KLHL15: variants seen among roughly 807,000 people sequenced by gnomAD.
The protein encoded by KLHL15 is kelch-like protein 15.
In KLHL15, 1 loss-of-function variant was observed where a neutral mutation model predicts 29.3. The ratio of observed to expected loss-of-function variants is 0.03; its 90% CI spans 0.01 to 0.16. The LOEUF is 0.16. Among genes scored for constraint, KLHL15 ranks in the 10% least tolerant of loss-of-function variants. The pLI, the probability that KLHL15 is intolerant of heterozygous loss-of-function variation, is 1.00. For synonymous variants in KLHL15, 212 were observed against 184.5 expected (o/e 1.15, Z -1.21); for missense variants, 215 against 478.5 (o/e 0.45, Z 5.14).
In KLHL15 at chrX:24,007,785, G is replaced by A. The variant is rs1929484144; in HGVS notation, c.-7-1085C>T. Among the ~76,000 whole-genome samples the A allele has an allele frequency of 7.3e-5, 8 of 109,530 alleles. No homozygotes were observed. The Admixed American group carries it at 8.0e-4, about 11-fold the overall frequency. ...TGTACATATAAGGTTTTTCTATCTA[G>A]GCTTATTATTTAAAAATCAGAAACT... On this transcript the variant is annotated intron_variant, in intron 2 of 3. Coordinates refer to ENST00000328046, the MANE Select transcript of KLHL15 (RefSeq NM_030624.3).
chrX:24,001,802 CAAAAAAAAAAAAAA>C (rs766669649), intron 3 of KLHL15, among the ~76,000 whole-genome samples: 3 of 22,670 alleles, frequency 1.3e-4, no homozygotes, highest in African/African-American at 3.2e-4. Flanking sequence ...AGACTTGACT[CAAAAAAAAAAAAAA>C]AAAAAAAAAA....
At position 23,999,594 on chromosome X, in the gene KLHL15, C is replaced by CAAAAAAAAAAAA. The variant is rs57473929; in HGVS notation, c.705+6383_705+6394dup. Among the ~76,000 whole-genome samples the CAAAAAAAAAAAA allele has an allele frequency of 3.1e-4, 17 of 55,442 alleles. 1 individual carries two copies. The highest frequency in any genetic ancestry group is 1.0e-3 in the African/African-American group (14 of 14,026). 48.1% of individuals were successfully genotyped at this position (55,442 alleles called of 115,157 possible). A position where few individuals can be genotyped will look rare whatever the true frequency, so the allele number is the denominator to read the frequency against. On this transcript the variant is annotated intron_variant, in intron 3 of 3. Coordinates refer to ENST00000328046, the MANE Select transcript of KLHL15 (RefSeq NM_030624.3). ...TGGGCGAAAGAGCGAGACTCCGTCT[C>CAAAAAAAAAAAA]AAAAAAAAAAAAAAAAAGAGAGAAT...
At position 23,988,512 on chromosome X, in the gene KLHL15, A is replaced by G; in HGVS notation, c.1224T>C (p.Phe408=). ...RYDITNDKWE[F]VDPYPVNKYG... ...ATTTGTTAACTGGATAAGGATCCAC[A>G]AATTCCCATTTATCGTTGGTGATGT... Residue 408 remains phenylalanine (F), a synonymous_variant, in exon 4 of 4, where the codon TTT becomes TTC. Coordinates refer to ENST00000328046, the MANE Select transcript of KLHL15 (RefSeq NM_030624.3). The G allele has an allele frequency of 1.7e-6, 2 of 1,211,775 alleles. No individual in the cohort carries two copies. The highest frequency in any genetic ancestry group is 2.2e-6 in the Non-Finnish European group (2 of 895,469).
At chrX:23,994,183 G>A (rs1312305353) in intron 3 of KLHL15, among the ~76,000 whole-genome samples, 1 of 112,180 alleles carries the variant, frequency 8.9e-6, no homozygotes, top group Non-Finnish European at 1.9e-5. Flanking sequence ...CTGGAAGACA[G>A]TGAAGGGATC....
chrX:24,002,571 A>AT (rs1929349553), intron 3 of KLHL15, among the ~76,000 whole-genome samples: 2 of 91,474 alleles, frequency 2.2e-5, no homozygotes, highest in Admixed American at 1.2e-4. Flanking sequence ...CTTTATATGT[A>AT]TTTTTCAGTG....
In KLHL15 at chrX:24,006,463, T is replaced by C. The variant is rs142869721; in HGVS notation, c.231A>G (p.Leu77=). Residue 77 remains leucine (L), a synonymous_variant, in exon 3 of 4, where the codon CTA becomes CTG. Transcript: ENST00000328046. ...RDQDKIHLKG[L]TATGFSHVLQ... is the part of the protein sequence containing the mutation. ...GGACATGGCTGAAACCGGTAGCTGT[T>C]AGACCTTTTAAATGAATTTTGTCCT... The C allele has an allele frequency of 6.6e-6, 8 of 1,209,294 alleles. No individual in the cohort carries two copies. The African/African-American group carries it at 8.8e-5, about 13-fold the overall frequency.
chrX:24,003,421 C>G (rs1435991967), intron 3 of KLHL15, among the ~76,000 whole-genome samples: 2 of 107,772 alleles, frequency 1.9e-5, no homozygotes, highest in Non-Finnish European at 3.8e-5. Flanking sequence ...GGCGTGGTGG[C>G]GGGTGCCTGT....
chrX:24,025,411 C>A (rs1259823561), intron 1 of KLHL15, among the ~76,000 whole-genome samples: 1 of 105,864 alleles, frequency 9.4e-6, no homozygotes, highest in Non-Finnish European at 2.0e-5. Flanking sequence ...GCCGCGCGCC[C>A]CCTGCGGGCC....
intron 3 of KLHL15, 77 bp from the exon 4 acceptor site, chrX:23,989,107 G>A (rs1929032400): frequency 2.4e-6 from 2 of 835,020 alleles, no homozygotes; most frequent in South Asian, 5.2e-5. Flanking sequence ...TGACTAATAC[G>A]ATCATCTTAG....
At chrX:24,002,143 G>A (rs867458935) in intron 3 of KLHL15, among the ~76,000 whole-genome samples, 2 of 107,659 alleles carry the variant, frequency 1.9e-5, no homozygotes, top group South Asian at 3.9e-4. Context: ...AAAAGAAAAT[G>A]AATAAATAAA....
At chrX:24,015,108 TTAC>T (rs1929648958) in intron 2 of KLHL15, among the ~76,000 whole-genome samples, 1 of 112,094 alleles carries the variant, frequency 8.9e-6, no homozygotes, top group Non-Finnish European at 1.9e-5. Flanking sequence ...TTCTTCCTCT[TTAC>T]TACCTTAGGT....
At chrX:23,992,059 G>C (rs1239257347) in intron 3 of KLHL15, among the ~76,000 whole-genome samples, 4 of 111,845 alleles carry the variant, frequency 3.6e-5, no homozygotes, top group African/African-American at 9.7e-5. Context: ...CCAGTGGTCT[G>C]AGAGCTACAC....
intron 2 of KLHL15, among the ~76,000 whole-genome samples, chrX:24,019,644 AAC>A (rs200893692): frequency 7.9e-4 from 84 of 106,839 alleles, no homozygotes; most frequent in South Asian, 3.2e-3. Flanking sequence ...GATAAGTGAC[AAC>A]ACACACACAC....
intron 2 of KLHL15, among the ~76,000 whole-genome samples, chrX:24,024,129 T>C (rs993087521): frequency 1.8e-5 from 2 of 111,927 alleles, no homozygotes. Context: ...TACGGTAACG[T>C]TACATTTGAA....
At chrX:23,998,699 A>G (rs1355964029) in intron 3 of KLHL15, among the ~76,000 whole-genome samples, 1 of 111,948 alleles carries the variant, frequency 8.9e-6, no homozygotes, top group African/African-American at 3.2e-5. Context: ...TGAATGAACA[A>G]TGCTTACCTA....
chrX:24,002,176 T>C (rs1051017212), intron 3 of KLHL15, among the ~76,000 whole-genome samples: 2 of 107,483 alleles, frequency 1.9e-5, no homozygotes, highest in East Asian at 5.6e-4. Flanking sequence ...GAAAGTATAA[T>C]ATGCATTTTG....
chrX:24,007,183 G>A (rs776333516), intron 2 of KLHL15, among the ~76,000 whole-genome samples: 4 of 109,251 alleles, frequency 3.7e-5, no homozygotes, highest in Non-Finnish European at 7.6e-5. Flanking sequence ...AACAGAGCAC[G>A]ACCCTATCTC....
chrX:24,001,802 C>CAAAAAAAAAAAAAA (rs766669649), intron 3 of KLHL15, among the ~76,000 whole-genome samples: 3 of 22,656 alleles, frequency 1.3e-4, no homozygotes, highest in East Asian at 1.8e-3. Context: ...AGACTTGACT[C>CAAAAAAAAAAAAAA]AAAAAAAAAA....
intron 3 of KLHL15, among the ~76,000 whole-genome samples, chrX:23,991,994 A>T (rs1440043348): frequency 8.9e-6 from 1 of 112,302 alleles, no homozygotes; most frequent in Non-Finnish European, 1.9e-5. Context: ...ATACTCTGAA[A>T]ATCAGCAAGA....
Sources: gnomAD v4.1 joint callset for allele counts (sites outside exome capture counted in the v4.1 genomes callset) on GRCh38, gnomAD v4.1.1 for gene constraint, MANE v1.5 for transcripts, NCBI Gene and HGNC (gene_info 2026-07-23, HGNC 2026-07-21) for gene names.